Variants in PIK3R5 observed in about 807,000 individuals in gnomAD.
The protein encoded by PIK3R5 is phosphoinositide 3-kinase regulatory subunit 5.
In PIK3R5, 32 loss-of-function variants were observed where a neutral mutation model predicts 94.9. That is an observed-to-expected ratio of 0.34 (90% CI 0.25 to 0.45). PIK3R5 has a LOEUF of 0.45. Among genes scored for constraint, PIK3R5 ranks in the 20% least tolerant of loss-of-function variants. The pLI is 1.00. For missense variants in PIK3R5, 853 were observed against 1,144.6 expected (o/e 0.75, Z 3.68); for synonymous variants, 443 against 479.4 (o/e 0.92, Z 0.99).
chr17:8,885,736 T>C (rs993559744), intron 14 of PIK3R5, among the ~76,000 whole-genome samples: 54 of 2,706 alleles, frequency 0.02, no homozygotes, highest in South Asian at 0.024. Context: ...AACCCCGCCC[T>C]CCCATGGCCC....
In PIK3R5 at chr17:8,911,633, G is replaced by A. The variant is rs987460480; in HGVS notation, c.-13-126C>T. 28 of 633,364 alleles carry A rather than the reference G, an allele frequency of 4.4e-5. No individual in the cohort carries two copies. Among genetic ancestry groups the A allele is most frequent in the Non-Finnish European group, 7.4e-5 (27 of 363,906 alleles). 39.2% of individuals were successfully genotyped at this position (633,364 alleles called of 1,614,324 possible). A position where few individuals can be genotyped will look rare whatever the true frequency, so the allele number is the denominator to read the frequency against. ...CCAGCCCAGCTATAGCTCAGGTGCTGTGGAAACAGGACCAGGGGCCTTACA... is the reference window on the plus strand; with the variant it reads ...CCAGCCCAGCTATAGCTCAGGTGCTATGGAAACAGGACCAGGGGCCTTACA... On this transcript the variant is annotated intron_variant, in intron 1 of 18. Transcript: ENST00000447110. The surrounding 1 kb of genome is among the most constrained non-coding windows in gnomAD (Gnocchi z 5.3).
At chr17:8,956,936 C>T (rs2091475311) in intron 1 of PIK3R5, among the ~76,000 whole-genome samples, 1 of 152,170 alleles carries the variant, frequency 6.6e-6, no homozygotes, top group African/African-American at 2.4e-5. Context: ...AGGATGTGGG[C>T]GAGGATCCCA....
At chr17:8,934,426 T>A (rs550383959) in intron 1 of PIK3R5, among the ~76,000 whole-genome samples, 2 of 152,302 alleles carry the variant, frequency 1.3e-5, no homozygotes, top group Non-Finnish European at 2.9e-5. Context: ...AATGAATACG[T>A]GGAGAGATAT....
chr17:8,934,565 C>T (rs768048779), intron 1 of PIK3R5, among the ~76,000 whole-genome samples: 3 of 152,118 alleles, frequency 2.0e-5, no homozygotes, highest in Non-Finnish European at 4.4e-5. Flanking sequence ...AATAACATGC[C>T]TTCGGTATAT....
At chr17:8,901,185 T>G (rs118116794) in intron 5 of PIK3R5, among the ~76,000 whole-genome samples, 1 of 152,110 alleles carries the variant, frequency 6.6e-6, no homozygotes, top group Non-Finnish European at 1.5e-5. Flanking sequence ...TCCTTTAGGG[T>G]TTGTTCCTTT....
Position 8,904,642 on chromosome 17 carries a change from T to C in PIK3R5, c.412+135A>G. On this transcript the variant is annotated intron_variant, in intron 5 of 18. Coordinates refer to ENST00000447110, the MANE Select transcript of PIK3R5 (RefSeq NM_001142633.3). This position sits in a 1 kb window ranked among gnomAD's most constrained non-coding sequence, Gnocchi z 5.1. ...GTGCTGTGAAGAGGAGACTCCATGT[T>C]TGTGAACCAAGGCGTTGGCAGAGAT... is the stretch of plus-strand genomic sequence containing the variant. The C allele has an allele frequency of 1.2e-6, 1 of 815,646 alleles. No homozygotes were observed. Among genetic ancestry groups the C allele is most frequent in the Non-Finnish European group, 2.0e-6 (1 of 504,640 alleles). 50.5% of individuals were successfully genotyped at this position (815,646 alleles called of 1,614,324 possible). A position where few individuals can be genotyped will look rare whatever the true frequency, so the allele number is the denominator to read the frequency against.
chr17:8,881,529 A>G lies in PIK3R5; in HGVS notation c.2382+101T>C. Reference sequence around the variant, plus strand: ...TACACACGGGTGTGTATGTGCACACATGCACACACATACATGTGCACACAC... The same window carrying G: ...TACACACGGGTGTGTATGTGCACACGTGCACACACATACATGTGCACACAC... On this transcript the variant is annotated intron_variant, in intron 17 of 18. Coordinates refer to ENST00000447110, the MANE Select transcript of PIK3R5 (RefSeq NM_001142633.3). The surrounding 1 kb of genome is among the most constrained non-coding windows in gnomAD (Gnocchi z 4.8). 1 of 894,222 alleles carries G rather than the reference A, an allele frequency of 1.1e-6. No individual in the cohort carries two copies. The highest frequency in any genetic ancestry group is 1.8e-6 in the Non-Finnish European group (1 of 549,968). The allele number at this position is 894,222 out of a possible 1,614,324, so 55.4% of individuals were successfully genotyped here.
rs1434041310 is a variant in PIK3R5 at position 8,945,805 on chromosome 17, C to T, written c.-14+19791G>A. On this transcript the variant is annotated intron_variant, in intron 1 of 18. Coordinates refer to ENST00000447110, the MANE Select transcript of PIK3R5 (RefSeq NM_001142633.3). This position sits in a 1 kb window ranked among gnomAD's most constrained non-coding sequence, Gnocchi z 4.0. Reference sequence around the variant, plus strand: ...CTGCCACAATCAAAACAGATTATAGCGGAAGTGATGCTGTGTGGCTTCCAA... The same window carrying T: ...CTGCCACAATCAAAACAGATTATAGTGGAAGTGATGCTGTGTGGCTTCCAA... Among the ~76,000 whole-genome samples, 1 of 152,258 alleles carries T rather than the reference C, an allele frequency of 6.6e-6. No individual in the cohort carries two copies. The highest frequency in any genetic ancestry group is 2.1e-4 in the South Asian group (1 of 4,822).
intron 5 of PIK3R5, among the ~76,000 whole-genome samples, chr17:8,902,026 C>T (rs1042201664): frequency 1.3e-5 from 2 of 151,920 alleles, no homozygotes; most frequent in African/African-American, 2.4e-5. Context: ...TCCTCACCAG[C>T]GCTGGCATTT....
chr17:8,887,833 GACA>G, intron 10 of PIK3R5, 150 bp from the exon 11 acceptor site: 1 of 479,548 alleles, frequency 2.1e-6, no homozygotes, highest in Non-Finnish European at 3.5e-6. Flanking sequence ...TCTCTACTAA[GACA>G]AAAAAAAAAA....
rs2089999242 is a variant in PIK3R5, at chr17:8,890,640, T to G, written c.657+98A>C. 3 of 1,087,080 alleles carry G rather than the reference T, an allele frequency of 2.8e-6. No homozygotes were observed. Among genetic ancestry groups the G allele is most frequent in the Admixed American group, 5.0e-5 (2 of 39,958 alleles). 67.3% of individuals were successfully genotyped at this position (1,087,080 alleles called of 1,614,324 possible). A position where few individuals can be genotyped will look rare whatever the true frequency, so the allele number is the denominator to read the frequency against. ...GCCATGTCACCTGGGTGCAGGAGAC[T>G]AAGTGTACCCTGGAGACCGTGGCTG... On this transcript the variant is annotated intron_variant, in intron 7 of 18. Transcript: ENST00000447110. The surrounding 1 kb of genome is among the most constrained non-coding windows in gnomAD (Gnocchi z 6.1).
At chr17:8,919,750 C>T (rs1287936000) in intron 1 of PIK3R5, among the ~76,000 whole-genome samples, 1 of 152,140 alleles carries the variant, frequency 6.6e-6, no homozygotes, top group African/African-American at 2.4e-5. Flanking sequence ...AATGAGTTAA[C>T]ATAGACAAAT....
chr17:8,941,902 C>T (rs1006162065), intron 1 of PIK3R5, among the ~76,000 whole-genome samples: 2 of 152,242 alleles, frequency 1.3e-5, no homozygotes, highest in African/African-American at 2.4e-5. Context: ...GAAAGATCCC[C>T]CTATTTACTC....
At position 8,896,528 on chromosome 17, in the gene PIK3R5, C is replaced by G. The variant is rs532849660; in HGVS notation, c.413-2873G>C. Among the ~76,000 whole-genome samples the G allele has an allele frequency of 1.3e-5, 2 of 152,192 alleles. No homozygotes were observed. Among genetic ancestry groups the G allele is most frequent in the Non-Finnish European group, 2.9e-5 (2 of 68,042 alleles). On this transcript the variant is annotated intron_variant, in intron 5 of 18. Coordinates refer to ENST00000447110, the MANE Select transcript of PIK3R5 (RefSeq NM_001142633.3). This position sits in a 1 kb window ranked among gnomAD's most constrained non-coding sequence, Gnocchi z 4.0. ...ATTGAGAGAAGTCACCCCATACAGG[C>G]GAAGAACGGGGTGAGTGGGCAGAAC...
At chr17:8,917,342 G>C (rs976121144) in intron 1 of PIK3R5, among the ~76,000 whole-genome samples, 1 of 152,070 alleles carries the variant, frequency 6.6e-6, no homozygotes, top group Admixed American at 6.6e-5. Flanking sequence ...CCAGAATATG[G>C]GGGCAGGGGA....
chr17:8,945,480 G>A lies in PIK3R5; in HGVS notation c.-14+20116C>T, dbSNP rs1368675644. 6.6e-6 allele frequency among the ~76,000 whole-genome samples: 1 copy of A among 152,204 alleles called. No individual in the cohort carries two copies. Among genetic ancestry groups the A allele is most frequent in the Admixed American group, 6.5e-5 (1 of 15,278 alleles). On this transcript the variant is annotated intron_variant, in intron 1 of 18. Coordinates refer to ENST00000447110, the MANE Select transcript of PIK3R5 (RefSeq NM_001142633.3). This position sits in a 1 kb window ranked among gnomAD's most constrained non-coding sequence, Gnocchi z 4.0. ...TTCACTGGTGACCCAGAGAGAGCCT[G>A]GGACAGGACTGCTAGCAGCAGTGGG...
intron 1 of PIK3R5, among the ~76,000 whole-genome samples, chr17:8,947,054 G>T (rs2091285622): frequency 6.6e-6 from 1 of 150,844 alleles, no homozygotes; most frequent in South Asian, 2.1e-4. Context: ...TGAATTGAAA[G>T]ATGAAGAGGT....
intron 1 of PIK3R5, among the ~76,000 whole-genome samples, chr17:8,931,740 A>G (rs1357986670): frequency 6.6e-6 from 1 of 152,206 alleles, no homozygotes; most frequent in Non-Finnish European, 1.5e-5. Flanking sequence ...CAGCTACTGG[A>G]AAGCCTGGAG....
At position 8,928,807 on chromosome 17, in the gene PIK3R5, C is replaced by T. The variant is rs1232540733; in HGVS notation, c.-13-17300G>A. On this transcript the variant is annotated intron_variant, in intron 1 of 18. Transcript: ENST00000447110. ...ATAATAAAAGAAAGAAATCTTGGAA[C>T]ATCAGGAAGAAATAATAAGAAAGGG... Among the ~76,000 whole-genome samples, 5 of 152,156 alleles carry T rather than the reference C, an allele frequency of 3.3e-5. No individual in the cohort carries two copies. In the East Asian group the frequency reaches 9.6e-4, roughly 29 times the overall value.
Sources: gnomAD v4.1 joint callset for allele counts (sites outside exome capture counted in the v4.1 genomes callset) on GRCh38, gnomAD v4.1.1 for gene constraint, Gnocchi (gnomAD v3.1) non-coding constraint, MANE v1.5 for transcripts, NCBI Gene and HGNC (gene_info 2026-07-23, HGNC 2026-07-21) for gene names.